Variants in ARHGAP24 observed in about 807,000 individuals in gnomAD.
ARHGAP24 encodes rho GTPase-activating protein 24.
Under a neutral mutation model 76.4 loss-of-function variants are expected in ARHGAP24, and 50 were observed. That is an observed-to-expected ratio of 0.65 (90% CI 0.52 to 0.83). The LOEUF is 0.83. ARHGAP24 is among the 40% of genes least tolerant of loss of function. The probability of loss-of-function intolerance (pLI) is 0.00; values close to 1 mark genes in which losing one functional copy is unlikely to be tolerated. For synonymous variants in ARHGAP24, 345 were observed against 323.3 expected (o/e 1.07, Z -0.72); for missense variants, 930 against 914.2 (o/e 1.02, Z -0.22).
intron 2 of ARHGAP24, among the ~76,000 whole-genome samples, chr4:85,614,048 A>G (rs910755539): frequency 6.6e-6 from 1 of 152,204 alleles, no homozygotes; most frequent in Non-Finnish European, 1.5e-5. Context: ...TTTTCTTTTT[A>G]TTATGTTTTT....
intron 1 of ARHGAP24, among the ~76,000 whole-genome samples, chr4:85,530,923 T>G (rs1725232596): frequency 6.6e-6 from 1 of 152,068 alleles, no homozygotes. Flanking sequence ...GCAGGGACTG[T>G]TTTCCATAAT....
At position 85,944,803 on chromosome 4, in the gene ARHGAP24, G is replaced by A. The variant is rs1431102846; in HGVS notation, c.599+2530G>A. On this transcript the variant is annotated intron_variant, in intron 5 of 9. Coordinates refer to ENST00000395184, the MANE Select transcript of ARHGAP24 (RefSeq NM_001025616.3). Reference sequence around the variant, plus strand: ...AGCCTTTATAAGATGAACTTTATCAGTGATGACATGAATATCATCATTAAA... The same window carrying A: ...AGCCTTTATAAGATGAACTTTATCAATGATGACATGAATATCATCATTAAA... Among the ~76,000 whole-genome samples, 3 of 152,274 alleles carry A rather than the reference G, an allele frequency of 2.0e-5. No homozygotes were observed. In the East Asian group the frequency reaches 5.8e-4, roughly 29 times the overall value.
At chr4:85,822,265 AAAAAATGAG>A (rs1337683192) in intron 3 of ARHGAP24, among the ~76,000 whole-genome samples, 2 of 150,542 alleles carry the variant, frequency 1.3e-5, no homozygotes, top group Admixed American at 1.3e-4. Context: ...TCAACAAACC[AAAAAATGAG>A]TTTTTTGGTT....
chr4:85,476,752 A>C (rs565031557), intron 1 of ARHGAP24, among the ~76,000 whole-genome samples: 1 of 152,214 alleles, frequency 6.6e-6, no homozygotes, highest in East Asian at 1.9e-4. Context: ...TGAACTGGGC[A>C]TTGTAAAATA....
intron 1 of ARHGAP24, among the ~76,000 whole-genome samples, chr4:85,520,136 C>A (rs1352962739): frequency 2.0e-5 from 3 of 152,048 alleles, no homozygotes; most frequent in Non-Finnish European, 4.4e-5. Flanking sequence ...CTATACAAGA[C>A]AAATAGTGTG....
chr4:85,704,353 C>T (rs111230706), intron 2 of ARHGAP24, among the ~76,000 whole-genome samples: 305 of 152,166 alleles, frequency 2.0e-3, no homozygotes, highest in Non-Finnish European at 3.3e-3. Flanking sequence ...TCTAAAAATG[C>T]TTATGAGAAT....
At chr4:85,664,971 G>GAA (rs575683608) in intron 2 of ARHGAP24, among the ~76,000 whole-genome samples, 159 of 152,032 alleles carry the variant, frequency 1.0e-3, no homozygotes, top group African/African-American at 3.6e-3. Flanking sequence ...GTATGGTGCT[G>GAA]AAAAAAAACA....
At chr4:85,603,105 A>G (rs1046892822) in intron 2 of ARHGAP24, among the ~76,000 whole-genome samples, 16 of 152,384 alleles carry the variant, frequency 1.0e-4, no homozygotes, top group African/African-American at 3.8e-4. Context: ...CTGCTTAATC[A>G]TAGTAAACAA....
chr4:85,872,595 C>CT (rs5860005), intron 3 of ARHGAP24, among the ~76,000 whole-genome samples: 12,276 of 73,098 alleles, frequency 0.17, 1,980 homozygotes, highest in African/African-American at 0.25. Context: ...TGCATCTGGC[C>CT]TTTTTTTTTT....
chr4:85,701,938 G>A (rs932653818), intron 2 of ARHGAP24, among the ~76,000 whole-genome samples: 9 of 152,176 alleles, frequency 5.9e-5, no homozygotes, highest in Middle Eastern at 3.4e-3. Flanking sequence ...CTTCCTTCAT[G>A]TCTTGCCTGA....
chr4:85,921,989 G>A (rs901364088), intron 3 of ARHGAP24, among the ~76,000 whole-genome samples: 6 of 152,160 alleles, frequency 3.9e-5, no homozygotes, highest in Admixed American at 1.3e-4. Context: ...GGGGATCACT[G>A]ATGATCAACC....
At chr4:85,810,970 A>T (rs1261723365) in intron 3 of ARHGAP24, among the ~76,000 whole-genome samples, 2 of 152,134 alleles carry the variant, frequency 1.3e-5, no homozygotes, top group African/African-American at 4.8e-5. Context: ...ATGGCTCATG[A>T]CCTGTAATGC....
At chr4:85,957,567 T>C (rs1300758006) in intron 5 of ARHGAP24, among the ~76,000 whole-genome samples, 1 of 152,216 alleles carries the variant, frequency 6.6e-6, no homozygotes, top group African/African-American at 2.4e-5. Context: ...TGTTAAGTTA[T>C]TTGAAGTCAA....
chr4:85,938,924 C>G (rs915259824), intron 4 of ARHGAP24, among the ~76,000 whole-genome samples: 2 of 151,944 alleles, frequency 1.3e-5, no homozygotes, highest in African/African-American at 4.8e-5. Flanking sequence ...GGTCAGAAAG[C>G]TAATAAATGG....
At position 85,856,497 on chromosome 4, in the gene ARHGAP24, G is replaced by A. The variant is rs1468230110; in HGVS notation, c.269-67151G>A. On this transcript the variant is annotated intron_variant, in intron 3 of 9. Coordinates refer to ENST00000395184, the MANE Select transcript of ARHGAP24 (RefSeq NM_001025616.3). ...TTTTTTTTTTTTTTTTTGAGACAAA[G>A]TCTCTTTCTATTGCCCAGACTGGAG... Among the ~76,000 whole-genome samples, 8 of 95,368 alleles carry A rather than the reference G, an allele frequency of 8.4e-5. No homozygotes were observed. The East Asian group carries it at 1.1e-3, about 13-fold the overall frequency. 62.6% of individuals were successfully genotyped at this position (95,368 alleles called of 152,430 possible).
chr4:85,954,554 A>G (rs759290555), intron 5 of ARHGAP24, among the ~76,000 whole-genome samples: 4 of 152,274 alleles, frequency 2.6e-5, no homozygotes, highest in Middle Eastern at 3.2e-3. Flanking sequence ...TTGTTTTACA[A>G]ATGAAGATCC....
At chr4:85,929,157 G>C in intron 4 of ARHGAP24, among the ~76,000 whole-genome samples, 1 of 152,216 alleles carries the variant, frequency 6.6e-6, no homozygotes, top group East Asian at 1.9e-4. Context: ...TGAAGTGCTT[G>C]AAGGGCAGCA....
intron 2 of ARHGAP24, among the ~76,000 whole-genome samples, chr4:85,665,337 C>T (rs1377237011): frequency 6.6e-6 from 1 of 151,936 alleles, no homozygotes; most frequent in African/African-American, 2.4e-5. Context: ...GGATTGCAAC[C>T]CCTGCCTTTT....
At chr4:85,613,066 G>A (rs1009815088) in intron 2 of ARHGAP24, among the ~76,000 whole-genome samples, 8 of 151,918 alleles carry the variant, frequency 5.3e-5, no homozygotes, top group Admixed American at 3.3e-4. Flanking sequence ...CCAAAGTGCT[G>A]GGATTACATG....
Sources: gnomAD v4.1 joint callset for allele counts (sites outside exome capture counted in the v4.1 genomes callset) on GRCh38, gnomAD v4.1.1 for gene constraint, MANE v1.5 for transcripts, NCBI Gene and HGNC (gene_info 2026-07-23, HGNC 2026-07-21) for gene names.